The following NCALD variants were observed in gnomAD, a reference collection of about 807,000 sequenced individuals.
The protein encoded by NCALD is neurocalcin delta.
A neutral mutation model predicts 18.6 loss-of-function variants in NCALD; 10 were observed. The observed-to-expected ratio is 0.54, with a 90% CI of 0.33 to 0.91. The LOEUF (loss-of-function observed/expected upper bound fraction) is 0.91. Among genes scored for constraint, NCALD ranks in the 40% least tolerant of loss-of-function variants. NCALD has a pLI of 0.03. For synonymous variants in NCALD, 88 were observed against 87.4 expected, an observed-to-expected ratio of 1.01 and a Z score of -0.04; for missense variants, 184 against 247.6, an observed-to-expected ratio of 0.74 and a Z score of 1.72.
chr8:101,958,434 C>G (rs981092090), intron 2 of NCALD, among the ~76,000 whole-genome samples: 1 of 152,012 alleles, frequency 6.6e-6, no homozygotes, highest in African/African-American at 2.4e-5. Flanking sequence ...AGGGAGGAAT[C>G]GAGCCCAAGG....
intron 1 of NCALD, among the ~76,000 whole-genome samples, chr8:102,043,314 A>C (rs981432591): frequency 2.6e-5 from 4 of 151,824 alleles, no homozygotes; most frequent in African/African-American, 9.7e-5. Flanking sequence ...AGTTTTTAAA[A>C]TTTGTTTAGT....
intron 4 of NCALD, among the ~76,000 whole-genome samples, chr8:101,886,803 T>A (rs1021157541): frequency 1.3e-5 from 2 of 152,192 alleles, no homozygotes; most frequent in African/African-American, 4.8e-5. Context: ...ATTACCTTTT[T>A]TCCAGGAATC....
chr8:101,850,768 A>C (rs1038393290), intron 4 of NCALD, among the ~76,000 whole-genome samples: 1 of 152,080 alleles, frequency 6.6e-6, no homozygotes, highest in South Asian at 2.1e-4. Flanking sequence ...ATTTTTTTTA[A>C]GTTAGGTCTT....
intron 4 of NCALD, among the ~76,000 whole-genome samples, chr8:101,861,355 G>A (rs928580434): frequency 5.9e-5 from 9 of 151,924 alleles, no homozygotes; most frequent in African/African-American, 2.2e-4. Flanking sequence ...CCGAGTCAGT[G>A]GCGTTTCTCA....
At chr8:101,805,039 G>C (rs934885613) in intron 4 of NCALD, among the ~76,000 whole-genome samples, 1 of 152,072 alleles carries the variant, frequency 6.6e-6, no homozygotes, top group Non-Finnish European at 1.5e-5. Flanking sequence ...ACTTTGAAAA[G>C]CTCCATGGAC....
chr8:102,107,192 G>GTA (rs1825484647), intron 1 of NCALD, among the ~76,000 whole-genome samples: 10 of 76,800 alleles, frequency 1.3e-4, no homozygotes, highest in South Asian at 4.4e-4. Context: ...ATATATGTGT[G>GTA]TACATATATA....
chr8:102,075,818 G>C (rs888367131), intron 1 of NCALD, among the ~76,000 whole-genome samples: 1 of 151,848 alleles, frequency 6.6e-6, no homozygotes, highest in African/African-American at 2.4e-5. Context: ...CCAAGCACGG[G>C]GGTGAGCACC....
chr8:101,879,516 G>A (rs971858801), intron 4 of NCALD, among the ~76,000 whole-genome samples: 1 of 152,164 alleles, frequency 6.6e-6, no homozygotes, highest in Non-Finnish European at 1.5e-5. Context: ...CAAAGAGCAA[G>A]CAACAGCAAG....
intron 4 of NCALD, among the ~76,000 whole-genome samples, chr8:101,814,960 C>T (rs1813438768): frequency 6.6e-6 from 1 of 151,778 alleles, no homozygotes; most frequent in African/African-American, 2.4e-5. Flanking sequence ...CTTTGATGAA[C>T]AAAATCAAAG....
chr8:102,022,385 C>T (rs900510915), intron 1 of NCALD, among the ~76,000 whole-genome samples: 9 of 152,158 alleles, frequency 5.9e-5, no homozygotes, highest in Admixed American at 4.6e-4. Context: ...GAGGAAAACC[C>T]ACCAGGATGC....
chr8:101,853,624 A>C (rs1292171099), intron 4 of NCALD, among the ~76,000 whole-genome samples: 2 of 152,218 alleles, frequency 1.3e-5, no homozygotes, highest in Non-Finnish European at 1.5e-5. Flanking sequence ...ATGACTATTA[A>C]ATTTTCTAAT....
chr8:102,061,247 C>T (rs1003240416), intron 1 of NCALD, among the ~76,000 whole-genome samples: 18 of 152,200 alleles, frequency 1.2e-4, no homozygotes, highest in East Asian at 3.8e-4. Context: ...CACCCACTTA[C>T]GGGTAGGAGC....
At chr8:101,808,365 A>C (rs187520013) in intron 4 of NCALD, among the ~76,000 whole-genome samples, 1 of 152,166 alleles carries the variant, frequency 6.6e-6, no homozygotes. Flanking sequence ...AAACTTTACT[A>C]TAAGATTTAA....
intron 4 of NCALD, among the ~76,000 whole-genome samples, chr8:101,833,075 T>A (rs1254960052): frequency 6.6e-6 from 1 of 152,224 alleles, no homozygotes; most frequent in African/African-American, 2.4e-5. Context: ...AGCTTGCTTT[T>A]AAGGTGTCGC....
At chr8:101,731,224 T>C (rs936977493) in intron 1 of NCALD, among the ~76,000 whole-genome samples, 5 of 152,228 alleles carry the variant, frequency 3.3e-5, no homozygotes, top group African/African-American at 1.2e-4. Context: ...ATGAAGGAGA[T>C]GACGTCAGCA....
chr8:101,823,603 G>GA (rs200672890), intron 4 of NCALD, among the ~76,000 whole-genome samples: 7 of 151,702 alleles, frequency 4.6e-5, no homozygotes, highest in African/African-American at 9.7e-5. Flanking sequence ...TCAACAGTAT[G>GA]AAAAAAAAAT....
At chr8:101,978,684 G>A (rs1013669518) in intron 2 of NCALD, among the ~76,000 whole-genome samples, 4 of 152,148 alleles carry the variant, frequency 2.6e-5, no homozygotes, top group African/African-American at 9.7e-5. Flanking sequence ...TGTTTTTATA[G>A]TAGCCTCTAA....
Position 101,688,546 on chromosome 8 carries a change from G to A in NCALD, c.*763C>T, listed in dbSNP as rs2129885152. 1 of 387,672 alleles carries A rather than the reference G, an allele frequency of 2.6e-6. No individual in the cohort carries two copies. The highest frequency in any genetic ancestry group is 5.1e-6 in the Non-Finnish European group (1 of 195,248). The allele number at this position is 387,672 out of a possible 1,614,324, so 24.0% of individuals were successfully genotyped here. On this transcript the variant is annotated 3_prime_UTR_variant, in exon 4 of 4. Coordinates refer to ENST00000220931, the MANE Select transcript of NCALD (RefSeq NM_032041.3). ...TTAAACAAGGCAAAACACTTAATTT[G>A]GTCTGCATTACCCAATATGTTATAT...
intron 1 of NCALD, among the ~76,000 whole-genome samples, chr8:101,781,483 G>T (rs752246241): frequency 6.6e-6 from 1 of 152,114 alleles, no homozygotes; most frequent in African/African-American, 2.4e-5. Flanking sequence ...AAGGCCTCTC[G>T]ACACAAAAAC....
Sources: allele counts gnomAD v4.1 joint callset (sites outside exome capture counted in the v4.1 genomes callset), GRCh38; gene constraint gnomAD v4.1.1; transcripts MANE v1.5; gene names NCBI Gene and HGNC (gene_info 2026-07-23, HGNC 2026-07-21).